FAM171A1: variants seen among roughly 807,000 people sequenced by gnomAD.
FAM171A1 encodes the protein family with sequence similarity 171 member A1.
Under a neutral mutation model 74.9 loss-of-function variants are expected in FAM171A1, and 23 were observed. The observed-to-expected ratio is 0.31, with a 90% confidence interval of 0.22 to 0.44. The LOEUF (loss-of-function observed/expected upper bound fraction) is 0.44. Ranked by LOEUF, FAM171A1 falls within the 20% of genes least tolerant of loss-of-function variation. The pLI is 1.00. For synonymous variants in FAM171A1, 527 were observed against 505.7 expected (o/e 1.04, Z -0.57); for missense variants, 1,162 against 1,159.2 (o/e 1.00, Z -0.03).
chr10:15,230,662 T>G (rs1290299282), intron 5 of FAM171A1, among the ~76,000 whole-genome samples: 2 of 152,112 alleles, frequency 1.3e-5, no homozygotes, highest in African/African-American at 4.8e-5. Context: ...TCTTTAAGCT[T>G]TAGCTGAGCT....
chr10:15,285,817 T>C (rs1236078050), intron 1 of FAM171A1, among the ~76,000 whole-genome samples: 1 of 151,686 alleles, frequency 6.6e-6, no homozygotes, highest in Non-Finnish European at 1.5e-5. Flanking sequence ...CTCAGTGGAG[T>C]GACCATCAAT....
intron 3 of FAM171A1, among the ~76,000 whole-genome samples, chr10:15,270,835 C>CAG (rs1834814607): frequency 6.6e-6 from 1 of 152,184 alleles, no homozygotes; most frequent in Admixed American, 6.6e-5. Context: ...AGAAGGAAAA[C>CAG]TAACAAACAG....
chr10:15,228,535 G>T (rs4375344), intron 5 of FAM171A1, among the ~76,000 whole-genome samples: 58,851 of 151,686 alleles, frequency 0.39, 12,240 homozygotes, highest in African/African-American at 0.53. Flanking sequence ...GTAGAGATGG[G>T]GTTTCACCAT....
intron 1 of FAM171A1, among the ~76,000 whole-genome samples, chr10:15,321,987 A>G (rs1292774688): frequency 6.6e-6 from 1 of 152,222 alleles, no homozygotes; most frequent in African/African-American, 2.4e-5. Context: ...ACATATGATT[A>G]TGTGCCATGG....
intron 1 of FAM171A1, among the ~76,000 whole-genome samples, chr10:15,316,984 C>A (rs751052600): frequency 6.3e-4 from 95 of 151,990 alleles, no homozygotes; most frequent in Admixed American, 1.1e-3. Flanking sequence ...GAAGAGTTCA[C>A]CAGCACTGGA....
chr10:15,278,030 A>G (rs1186548584), intron 2 of FAM171A1, among the ~76,000 whole-genome samples: 1 of 152,134 alleles, frequency 6.6e-6, no homozygotes, highest in Non-Finnish European at 1.5e-5. Context: ...TGCTGGGATT[A>G]CAGGCATGAG....
chr10:15,263,146 G>C (rs545286949), intron 3 of FAM171A1, among the ~76,000 whole-genome samples: 2 of 152,194 alleles, frequency 1.3e-5, no homozygotes, highest in Non-Finnish European at 2.9e-5. Context: ...AGTGCCCATG[G>C]GCAGCTGGGG....
intron 1 of FAM171A1, among the ~76,000 whole-genome samples, chr10:15,328,918 C>T (rs1182299605): frequency 6.6e-6 from 1 of 151,958 alleles, no homozygotes; most frequent in African/African-American, 2.4e-5. Context: ...GATATGTCAT[C>T]CTGGCAAACA....
chr10:15,322,085 C>T (rs1835493332), intron 1 of FAM171A1, among the ~76,000 whole-genome samples: 1 of 152,198 alleles, frequency 6.6e-6, no homozygotes, highest in Admixed American at 6.5e-5. Flanking sequence ...CTGGTGGTAA[C>T]CTCAGGCCCG....
intron 3 of FAM171A1, among the ~76,000 whole-genome samples, chr10:15,274,666 T>A (rs932784721): frequency 6.6e-6 from 1 of 152,296 alleles, no homozygotes; most frequent in Admixed American, 6.5e-5. Context: ...CAAAACAGCA[T>A]GGTACTGGTA....
chr10:15,299,076 ACG>A (rs1343928990), intron 1 of FAM171A1, among the ~76,000 whole-genome samples: 1 of 151,950 alleles, frequency 6.6e-6, no homozygotes, highest in Admixed American at 6.6e-5. Flanking sequence ...ACGCACCACC[ACG>A]CCCGGTGAAT....
intron 1 of FAM171A1, among the ~76,000 whole-genome samples, chr10:15,324,384 C>T (rs1438117905): frequency 6.6e-6 from 1 of 152,234 alleles, no homozygotes; most frequent in African/African-American, 2.4e-5. Context: ...CAGGAGCTCC[C>T]TCCCGTTCTT....
At chr10:15,276,311 G>C (rs765168044) in intron 2 of FAM171A1, among the ~76,000 whole-genome samples, 1 of 152,100 alleles carries the variant, frequency 6.6e-6, no homozygotes, top group Non-Finnish European at 1.5e-5. Flanking sequence ...CTCCCGAGTA[G>C]CTGAGATTAC....
At chr10:15,329,327 G>A (rs2131856720) in intron 1 of FAM171A1, among the ~76,000 whole-genome samples, 1 of 152,234 alleles carries the variant, frequency 6.6e-6, no homozygotes, top group South Asian at 2.1e-4. Flanking sequence ...TGGTTCTATC[G>A]GCTCCAGAGG....
intron 3 of FAM171A1, among the ~76,000 whole-genome samples, chr10:15,257,214 A>G (rs1484484786): frequency 6.6e-6 from 1 of 152,112 alleles, no homozygotes; most frequent in Non-Finnish European, 1.5e-5. Context: ...CAGGGAAGGA[A>G]AAGTGCACCC....
At chr10:15,307,282 G>A (rs1480441358) in intron 1 of FAM171A1, among the ~76,000 whole-genome samples, 2 of 152,172 alleles carry the variant, frequency 1.3e-5, no homozygotes, top group African/African-American at 2.4e-5. Context: ...CGACACAGAC[G>A]TGATTCTAAC....
intron 1 of FAM171A1, among the ~76,000 whole-genome samples, chr10:15,357,027 C>T (rs963468481): frequency 6.6e-6 from 1 of 151,994 alleles, no homozygotes. Context: ...GCCTGTAATC[C>T]CAGCACTTTG....
chr10:15,350,650 T>C (rs1218574856), intron 1 of FAM171A1, among the ~76,000 whole-genome samples: 1 of 127,118 alleles, frequency 7.9e-6, no homozygotes, highest in Non-Finnish European at 1.7e-5. Context: ...CAATTCTCTC[T>C]TTTTTTTTTT....
rs573046685 is a variant in FAM171A1, at chr10:15,320,176, A to C, written c.98-36071T>G. Among the ~76,000 whole-genome samples the C allele has an allele frequency of 6.4e-4, 98 of 152,202 alleles. 1 individual carries two copies. Among genetic ancestry groups the C allele is most frequent in the African/African-American group, 2.3e-3 (95 of 41,498 alleles). ...GGTGTCTCTTCCCTTCTTTGTGTCC[A>C]TGTATACTCAGTGTTTAGCTCCCAC... On this transcript the variant is annotated intron_variant, in intron 1 of 7. Transcript: ENST00000378116.
Sources: allele counts gnomAD v4.1 joint callset (sites outside exome capture counted in the v4.1 genomes callset), GRCh38; gene constraint gnomAD v4.1.1; transcripts MANE v1.5; gene names NCBI Gene and HGNC (gene_info 2026-07-23, HGNC 2026-07-21).